The following GPAT3 variants were observed in gnomAD, a reference collection of about 807,000 sequenced individuals.
GPAT3 encodes glycerol-3-phosphate acyltransferase 3.
GPAT3 carries 53 observed loss-of-function variants against 58.8 expected under a neutral mutation model. The observed-to-expected ratio is 0.90, with a 90% CI of 0.72 to 1.13. The LOEUF (loss-of-function observed/expected upper bound fraction) is 1.13. Ranked by LOEUF, GPAT3 falls within the 50% of genes most tolerant of loss-of-function variation. The pLI is 0.00. For synonymous variants in GPAT3, 197 were observed against 187.4 expected, an observed-to-expected ratio of 1.05 and a Z score of -0.42; for missense variants, 511 against 527.6, an observed-to-expected ratio of 0.97 and a Z score of 0.31.
chr4:83,549,574 C>T (rs1578163939), intron 2 of GPAT3, among the ~76,000 whole-genome samples: 2 of 149,762 alleles, frequency 1.3e-5, no homozygotes, highest in Admixed American at 1.3e-4. Flanking sequence ...ACTCTATCAC[C>T]CAGGCTAGAG....
At chr4:83,579,024 T>C (rs1393682165) in intron 2 of GPAT3, among the ~76,000 whole-genome samples, 2 of 13,584 alleles carry the variant, frequency 1.5e-4, no homozygotes, top group Non-Finnish European at 1.5e-4. Flanking sequence ...TTCCCTTTCT[T>C]TCTTTCTTTC....
chr4:83,590,123 TAAA>T (rs886395185), intron 5 of GPAT3, 73 bp from the exon 6 acceptor site: 22 of 1,377,264 alleles, frequency 1.6e-5, no homozygotes, highest in Non-Finnish European at 2.1e-5. Flanking sequence ...CACACACACT[TAAA>T]AAAGTAAGAT....
At position 83,590,055 on chromosome 4, in the gene GPAT3, T is replaced by C. The variant is rs548455769; in HGVS notation, c.645-144T>C. ...TTGCCATGAGCCAAGATTGCACCAATGCACTCCAGCCTGGGCAACAGAGTG... is the reference window on the plus strand; with the variant it reads ...TTGCCATGAGCCAAGATTGCACCAACGCACTCCAGCCTGGGCAACAGAGTG... On this transcript the variant is annotated intron_variant, in intron 5 of 11. Transcript: ENST00000264409. 688 of 609,312 alleles carry C rather than the reference T, an allele frequency of 1.1e-3. 6 individuals are homozygous for C. In the South Asian group the frequency reaches 0.011, roughly 10 times the overall value. 37.7% of individuals were successfully genotyped at this position (609,312 alleles called of 1,614,324 possible).
Position 83,579,821 on chromosome 4 carries a change from A to G in GPAT3, c.209-1741A>G, listed in dbSNP as rs188706431. Among the ~76,000 whole-genome samples the G allele has an allele frequency of 1.4e-4, 22 of 152,286 alleles. No homozygotes were observed. In the East Asian group the frequency reaches 2.3e-3, roughly 16 times the overall value. On this transcript the variant is annotated intron_variant, in intron 2 of 11. Coordinates refer to ENST00000264409, the MANE Select transcript of GPAT3 (RefSeq NM_032717.5). ...TCCTCTTTCCTTTCTCCTCTAGTGT[A>G]GTATTAGTCCTTCCGAAAACTGAAC...
At chr4:83,537,036 T>C (rs1724125353) in intron 1 of GPAT3, among the ~76,000 whole-genome samples, 1 of 152,204 alleles carries the variant, frequency 6.6e-6, no homozygotes, top group African/African-American at 2.4e-5. Context: ...GCATCGTTAT[T>C]ATTTTACTGA....
chr4:83,568,828 A>T (rs1260091561), intron 2 of GPAT3, among the ~76,000 whole-genome samples: 1 of 152,100 alleles, frequency 6.6e-6, no homozygotes, highest in African/African-American at 2.4e-5. Context: ...TTCATTTGTC[A>T]TCCTCTTCAA....
Position 83,579,058 on chromosome 4 carries a change from CTTT to C in GPAT3, c.209-2503_209-2501del, listed in dbSNP as rs1560621192. ...TCTTTCTTTCTTTCTTTCTTTCTTT[CTTT>C]CTTTCTTTCTTTCTTTCTTCCCTTC... On this transcript the variant is annotated intron_variant, in intron 2 of 11. Transcript: ENST00000264409. Among the ~76,000 whole-genome samples, 248 of 38,830 alleles carry C rather than the reference CTTT, an allele frequency of 6.4e-3. 32 individuals carry two copies. Among genetic ancestry groups the C allele is most frequent in the Non-Finnish European group, 8.3e-3 (159 of 19,144 alleles). The allele number at this position is 38,830 out of a possible 152,430, so 25.5% of individuals were successfully genotyped here.
intron 2 of GPAT3, among the ~76,000 whole-genome samples, chr4:83,578,953 TTTC>T (rs1452245156): frequency 1.7e-4 from 14 of 80,766 alleles, no homozygotes; most frequent in Non-Finnish European, 2.6e-4. Context: ...TTTTCTTTTC[TTTC>T]TTTCTTTCTT....
intron 2 of GPAT3, among the ~76,000 whole-genome samples, chr4:83,567,875 A>C (rs1260025099): frequency 6.6e-6 from 1 of 152,194 alleles, no homozygotes; most frequent in Non-Finnish European, 1.5e-5. Flanking sequence ...TCATCTGTGC[A>C]AATGGTTCTC....
chr4:83,604,906 A>G lies in GPAT3; in HGVS notation c.*139A>G. The stretch of plus-strand genomic sequence containing the variant: ...ATGATTGTCTCTACCTCTTTATGCC[A>G]GAGGCAGAACCTACAGGTGCCCTTT... On this transcript the variant is annotated 3_prime_UTR_variant, in exon 12 of 12. Coordinates refer to ENST00000264409, the MANE Select transcript of GPAT3 (RefSeq NM_032717.5). The G allele has an allele frequency of 1.4e-6, 1 of 736,176 alleles. No individual in the cohort carries two copies. Among genetic ancestry groups the G allele is most frequent in the East Asian group, 2.8e-5 (1 of 35,686 alleles). The allele number at this position is 736,176 out of a possible 1,614,324, so 45.6% of individuals were successfully genotyped here.
intron 1 of GPAT3, among the ~76,000 whole-genome samples, chr4:83,537,625 G>GTGTGTGTATATA (rs138199995): frequency 4.1e-5 from 6 of 147,692 alleles, no homozygotes; most frequent in African/African-American, 1.5e-4. Flanking sequence ...GTGTGTGTGT[G>GTGTGTGTATATA]TATATTTAAC....
intron 2 of GPAT3, among the ~76,000 whole-genome samples, chr4:83,560,602 G>A (rs181670327): frequency 1.3e-5 from 2 of 152,266 alleles, no homozygotes; most frequent in Non-Finnish European, 2.9e-5. Flanking sequence ...TCTATGCAGA[G>A]GACAGCAACT....
intron 3 of GPAT3, among the ~76,000 whole-genome samples, chr4:83,585,979 T>G (rs1726361755): frequency 6.6e-6 from 1 of 150,522 alleles, no homozygotes; most frequent in South Asian, 2.1e-4. Context: ...TCTGGAGCCC[T>G]GGGTTCAAAT....
chr4:83,536,276 G>A lies in GPAT3; in HGVS notation c.-347G>A, dbSNP rs1378697271. The stretch of plus-strand genomic sequence containing the variant: ...CAGGCACCGGGCGGGGCGGGTTCCT[G>A]GCTGCGCTCGCGCGCTCTGCCCGCG... On this transcript the variant is annotated 5_prime_UTR_variant, in exon 1 of 12. Coordinates refer to ENST00000264409, the MANE Select transcript of GPAT3 (RefSeq NM_032717.5). 4.8e-6 allele frequency: 5 copies of A among 1,039,276 alleles called. No individual in the cohort carries two copies. Among genetic ancestry groups the A allele is most frequent in the Non-Finnish European group, 5.8e-6 (5 of 865,342 alleles). The allele number at this position is 1,039,276 out of a possible 1,614,324, so 64.4% of individuals were successfully genotyped here.
chr4:83,581,982 A>C, intron 3 of GPAT3, 150 bp downstream of exon 3: 1 of 1,047,838 alleles, frequency 9.5e-7, no homozygotes. Flanking sequence ...AAAGGAATGT[A>C]TTACGTATCC....
In GPAT3 at chr4:83,596,854, A is replaced by G. The variant is rs200384630; in HGVS notation, c.855-4A>G. The G allele has an allele frequency of 8.1e-6, 13 of 1,602,476 alleles. No individual in the cohort carries two copies. The highest frequency in any genetic ancestry group is 1.7e-4 in the Middle Eastern group (1 of 6,006). On this transcript the variant is annotated splice_polypyrimidine_tract_variant and splice_region_variant and intron_variant, in intron 7 of 11. Coordinates refer to ENST00000264409, the MANE Select transcript of GPAT3 (RefSeq NM_032717.5). ...CAGAATTTTGATCCTTTTTTTTTCC[A>G]TAGACTAAAAGAACATATTGCTGAT... is the stretch of plus-strand genomic sequence containing the variant.
At chr4:83,565,562 G>A (rs1473570385) in intron 2 of GPAT3, among the ~76,000 whole-genome samples, 7 of 151,304 alleles carry the variant, frequency 4.6e-5, no homozygotes, top group Admixed American at 1.3e-4. Flanking sequence ...GCAGTGGTGC[G>A]CTCTCGGCTC....
intron 1 of GPAT3, among the ~76,000 whole-genome samples, chr4:83,538,877 C>T (rs1724194233): frequency 6.6e-6 from 1 of 152,122 alleles, no homozygotes; most frequent in Non-Finnish European, 1.5e-5. Context: ...AGGAACCCAC[C>T]CTGTCTGCTG....
chr4:83,538,972 G>C (rs1298970987), intron 1 of GPAT3, among the ~76,000 whole-genome samples: 1 of 152,138 alleles, frequency 6.6e-6, no homozygotes, highest in Admixed American at 6.5e-5. Flanking sequence ...CTGATTTGTT[G>C]GTTGCGGCTG....
Sources: allele counts gnomAD v4.1 joint callset (sites outside exome capture counted in the v4.1 genomes callset), GRCh38; gene constraint gnomAD v4.1.1; transcripts MANE v1.5; gene names NCBI Gene and HGNC (gene_info 2026-07-23, HGNC 2026-07-21).